ZFPM2: variants seen among roughly 807,000 people sequenced by gnomAD.
ZFPM2 encodes zinc finger protein, FOG family member 2.
In ZFPM2, 20 loss-of-function variants were observed where a neutral mutation model predicts 98.6. The ratio of observed to expected loss-of-function variants is 0.20; its 90% confidence interval spans 0.14 to 0.29. ZFPM2 has a LOEUF of 0.29. Among genes scored for constraint, ZFPM2 ranks in the 10% least tolerant of loss-of-function variants. ZFPM2 has a pLI of 1.00. For synonymous variants in ZFPM2, 518 were observed against 502.7 expected, an observed-to-expected ratio of 1.03 and a Z score of -0.41; for missense variants, 1,310 against 1,388.6, an observed-to-expected ratio of 0.94 and a Z score of 0.90.
chr8:105,559,725 G>A (rs531088985), intron 3 of ZFPM2, among the ~76,000 whole-genome samples: 1 of 152,106 alleles, frequency 6.6e-6, no homozygotes, highest in East Asian at 1.9e-4. Flanking sequence ...ACTATTAAAA[G>A]GAGGTGACAC....
At chr8:105,779,401 T>A (rs1208884330) in intron 5 of ZFPM2, among the ~76,000 whole-genome samples, 1 of 152,166 alleles carries the variant, frequency 6.6e-6, no homozygotes, top group Non-Finnish European at 1.5e-5. Flanking sequence ...CGTCTATCAA[T>A]CACACAGATA....
chr8:105,728,324 C>T (rs1389058042), intron 5 of ZFPM2, among the ~76,000 whole-genome samples: 12 of 151,586 alleles, frequency 7.9e-5, no homozygotes, highest in East Asian at 2.0e-4. Flanking sequence ...CAATAACAAG[C>T]GACTCCGAAA....
chr8:105,565,142 C>T (rs1362173506), intron 4 of ZFPM2, among the ~76,000 whole-genome samples: 3 of 152,068 alleles, frequency 2.0e-5, no homozygotes, highest in African/African-American at 7.2e-5. Flanking sequence ...ATGTCAAATC[C>T]TTTTTATATC....
At chr8:105,512,880 A>G (rs571575763) in intron 3 of ZFPM2, among the ~76,000 whole-genome samples, 1 of 151,796 alleles carries the variant, frequency 6.6e-6, no homozygotes, top group Admixed American at 6.6e-5. Flanking sequence ...ACATGTATGT[A>G]TATGTGTGTG....
intron 5 of ZFPM2, among the ~76,000 whole-genome samples, chr8:105,716,307 G>C (rs1260545580): frequency 6.6e-6 from 1 of 150,966 alleles, no homozygotes; most frequent in East Asian, 1.9e-4. Flanking sequence ...CTGCATTTCA[G>C]AGCAAATATG....
intron 5 of ZFPM2, among the ~76,000 whole-genome samples, chr8:105,651,681 G>A (rs1817181356): frequency 6.6e-6 from 1 of 152,134 alleles, no homozygotes; most frequent in Non-Finnish European, 1.5e-5. Context: ...CAAGCTGGAT[G>A]TGAACACCTC....
Position 105,436,247 on chromosome 8 carries a change from C to T in ZFPM2, c.200-8033C>T, listed in dbSNP as rs542980473. ...ATTTTAATATGCAAGTGCCTGGGCG[C>T]GGTGGCTCACACCTGTAATCCCAGC... On this transcript the variant is annotated intron_variant, in intron 2 of 7. Coordinates refer to ENST00000407775, the MANE Select transcript of ZFPM2 (RefSeq NM_012082.4). Among the ~76,000 whole-genome samples, 20 of 152,142 alleles carry T rather than the reference C, an allele frequency of 1.3e-4. No homozygotes were observed. The South Asian group carries it at 3.1e-3, about 24-fold the overall frequency.
chr8:105,765,829 G>A (rs902043548), intron 5 of ZFPM2, among the ~76,000 whole-genome samples: 1 of 151,846 alleles, frequency 6.6e-6, no homozygotes, highest in Non-Finnish European at 1.5e-5. Context: ...AAAAGAAAAT[G>A]GTATGCCAAG....
intron 2 of ZFPM2, among the ~76,000 whole-genome samples, chr8:105,426,763 T>C (rs574868969): frequency 6.6e-6 from 1 of 150,774 alleles, no homozygotes; most frequent in African/African-American, 2.5e-5. Context: ...CTGGTCAACA[T>C]GGTGAAATCC....
chr8:105,493,904 G>A (rs2130441890), intron 3 of ZFPM2, among the ~76,000 whole-genome samples: 1 of 151,644 alleles, frequency 6.6e-6, no homozygotes. Flanking sequence ...GAATTACTTT[G>A]CCTGTCAAAC....
At chr8:105,747,759 G>A (rs1201495343) in intron 5 of ZFPM2, among the ~76,000 whole-genome samples, 6 of 152,042 alleles carry the variant, frequency 3.9e-5, no homozygotes, top group Non-Finnish European at 7.4e-5. Flanking sequence ...TACTAGTGTG[G>A]AAACACTGGT....
chr8:105,581,343 T>C (rs1050830791), intron 4 of ZFPM2, among the ~76,000 whole-genome samples: 2 of 152,168 alleles, frequency 1.3e-5, no homozygotes, highest in Non-Finnish European at 2.9e-5. Context: ...GGTCCTAAAT[T>C]TGCAAGTTGC....
intron 1 of ZFPM2, among the ~76,000 whole-genome samples, chr8:105,360,744 A>T (rs933362389): frequency 4.1e-5 from 6 of 145,596 alleles, no homozygotes; most frequent in African/African-American, 1.5e-4. Context: ...TGTTCTTGCG[A>T]TAGTTTACTG....
chr8:105,444,652 C>G (rs1052325417), intron 3 of ZFPM2, among the ~76,000 whole-genome samples: 34 of 152,126 alleles, frequency 2.2e-4, no homozygotes, highest in African/African-American at 7.0e-4. Context: ...CTTCTTTGAA[C>G]AAAGGATCTT....
chr8:105,506,823 T>A (rs1813708535), intron 3 of ZFPM2, among the ~76,000 whole-genome samples: 1 of 151,590 alleles, frequency 6.6e-6, no homozygotes, highest in South Asian at 2.1e-4. Flanking sequence ...CCGTCTCTAC[T>A]AAAAAATACA....
At chr8:105,444,537 T>C (rs1186664832) in intron 3 of ZFPM2, among the ~76,000 whole-genome samples, 156 bp downstream of exon 3, 1 of 152,202 alleles carries the variant, frequency 6.6e-6, no homozygotes, top group Non-Finnish European at 1.5e-5. Context: ...AAAATACTTC[T>C]TAGATTTTTG....
intron 4 of ZFPM2, among the ~76,000 whole-genome samples, chr8:105,563,522 C>A (rs1279478417): frequency 6.6e-6 from 1 of 152,126 alleles, no homozygotes; most frequent in Admixed American, 6.5e-5. Context: ...TGGACCAGTG[C>A]AGCTACTTCA....
At chr8:105,630,663 G>T (rs1254793806) in intron 4 of ZFPM2, among the ~76,000 whole-genome samples, 3 of 152,026 alleles carry the variant, frequency 2.0e-5, no homozygotes, top group Admixed American at 1.3e-4. Context: ...GGAAATACAT[G>T]AATTGATTAC....
chr8:105,633,717 A>G (rs975599018), intron 4 of ZFPM2, among the ~76,000 whole-genome samples: 1 of 152,162 alleles, frequency 6.6e-6, no homozygotes, highest in Non-Finnish European at 1.5e-5. Flanking sequence ...TTTCAGTTAC[A>G]GTGAGACTAC....
Sources: allele counts gnomAD v4.1 joint callset (sites outside exome capture counted in the v4.1 genomes callset), GRCh38; gene constraint gnomAD v4.1.1; transcripts MANE v1.5; gene names NCBI Gene and HGNC (gene_info 2026-07-23, HGNC 2026-07-21).